The following ATP8B1 variants were observed in gnomAD, a reference collection of about 807,000 sequenced individuals.
The protein encoded by ATP8B1 is ATPase phospholipid transporting 8B1, also known as phospholipid-transporting ATPase IC.
In ATP8B1, 80 loss-of-function variants were observed where a neutral mutation model predicts 149.9. The observed-to-expected ratio is 0.53, with a 90% CI of 0.45 to 0.64. ATP8B1 has a LOEUF of 0.64. ATP8B1 is among the 30% of genes least tolerant of loss of function. The pLI, the probability that ATP8B1 is intolerant of heterozygous loss-of-function variation, is 0.00. For missense variants in ATP8B1, 1,247 were observed against 1,552.6 expected (o/e 0.80, Z 3.31); for synonymous variants, 536 against 562.8 (o/e 0.95, Z 0.67).
intron 8 of ATP8B1, 87 bp downstream of exon 8, chr18:57,697,531 C>T (rs979224916): frequency 7.2e-7 from 1 of 1,395,326 alleles, no homozygotes; most frequent in African/African-American, 1.4e-5. Flanking sequence ...AGATATCAAG[C>T]CGTCTGGTCC....
intron 1 of ATP8B1, among the ~76,000 whole-genome samples, chr18:57,756,653 T>TTCTCTCTCTCTCTCTCTC (rs112851704): frequency 4.0e-5 from 6 of 149,316 alleles, no homozygotes; most frequent in African/African-American, 9.9e-5. Flanking sequence ...ATGGTATTCC[T>TTCTCTCTCTCTCTCTCTC]TCTCTCTCTC....
Position 57,668,493 on chromosome 18 carries a change from T to C in ATP8B1, c.2145A>G (p.Pro715=), listed in dbSNP as rs745890909. 2 of 1,604,708 alleles carry C rather than the reference T, an allele frequency of 1.2e-6. No homozygotes were observed. Among genetic ancestry groups the C allele is most frequent in the Admixed American group, 3.4e-5 (2 of 58,688 alleles). ...CTTTTGCAAGTTTTGAAATGGTTTC[T>C]GGAACTCCATCCTGTAGCTTGTCTT... ...AIEDKLQDGV[P]ETISKLAKAD... Residue 715 remains proline (P), a synonymous_variant, in exon 19 of 28, where the codon CCA becomes CCG. Transcript: ENST00000648908.
chr18:57,731,377 A>ACC lies in ATP8B1; in HGVS notation c.181+249_181+250insGG, dbSNP rs2079763789. ...TATATATATATATATATATATATAC[A>ACC]CACACTAACAAAGACCTTAATGTAT... On this transcript the variant is annotated intron_variant, in intron 2 of 27. Transcript: ENST00000648908. 5.5e-5 allele frequency: 15 copies of ACC among 271,066 alleles called. 7 individuals are homozygous for ACC. Among genetic ancestry groups the ACC allele is most frequent in the South Asian group, 1.3e-4 (4 of 31,220 alleles). The allele number at this position is 271,066 out of a possible 1,614,324, so 16.8% of individuals were successfully genotyped here.
At position 57,803,266 on chromosome 18, in the gene ATP8B1, C is replaced by G. The variant is rs2080602228; in HGVS notation, c.-294G>C. Among the ~76,000 whole-genome samples the G allele has an allele frequency of 6.6e-6, 1 of 152,216 alleles. No homozygotes were observed. The highest frequency in any genetic ancestry group is 1.5e-5 in the Non-Finnish European group (1 of 68,026). On this transcript the variant is annotated 5_prime_UTR_variant, in exon 1 of 28. Coordinates refer to ENST00000648908, the MANE Select transcript of ATP8B1 (RefSeq NM_001374385.1). ...TCCTCTGCAGCCGCCCTTTTGCCTC[C>G]GCTCCGCCGGACCGGCCAAACTGGT...
chr18:57,750,677 T>A lies in ATP8B1; in HGVS notation c.-25-18845A>T, dbSNP rs1599191060. 1.3e-5 allele frequency among the ~76,000 whole-genome samples: 2 copies of A among 152,208 alleles called. 1 individual carries two copies. The highest frequency in any genetic ancestry group is 3.9e-4 in the East Asian group (2 of 5,186). ...CCATCCTCAGAGTCCAACCTACTCT[T>A]TTCCTCCTTCATCTTAACAGACGTG... On this transcript the variant is annotated intron_variant, in intron 1 of 27. Coordinates refer to ENST00000648908, the MANE Select transcript of ATP8B1 (RefSeq NM_001374385.1).
chr18:57,738,257 A>G (rs1487802334), intron 1 of ATP8B1, among the ~76,000 whole-genome samples: 1 of 152,244 alleles, frequency 6.6e-6, no homozygotes, highest in Non-Finnish European at 1.5e-5. Context: ...GCAGAGTACT[A>G]CACTAGGCAC....
At chr18:57,725,830 G>A (rs897743558) in intron 2 of ATP8B1, among the ~76,000 whole-genome samples, 45 of 152,224 alleles carry the variant, frequency 3.0e-4, no homozygotes, top group Non-Finnish European at 3.2e-4. Context: ...ATATTTATAT[G>A]TAGATGAATG....
chr18:57,779,897 CAAA>C (rs35023925), intron 1 of ATP8B1, among the ~76,000 whole-genome samples: 1 of 107,748 alleles, frequency 9.3e-6, no homozygotes, highest in Non-Finnish European at 1.9e-5. Context: ...AACTCCGTCT[CAAA>C]AAAAAAAAAA....
At chr18:57,668,063 G>C in intron 19 of ATP8B1, 1 of 1,289,214 alleles carries the variant, frequency 7.8e-7, no homozygotes, top group Non-Finnish European at 1.0e-6. Flanking sequence ...TTATTGTTCA[G>C]TACTTTGTAT....
intron 1 of ATP8B1, among the ~76,000 whole-genome samples, chr18:57,783,004 G>C (rs1252495193): frequency 3.3e-5 from 5 of 151,820 alleles, no homozygotes; most frequent in South Asian, 4.2e-4. Context: ...GTAGCGACAG[G>C]GTTTCACCAT....
Position 57,802,854 on chromosome 18 carries a change from G to A in ATP8B1, c.-26+144C>T, listed in dbSNP as rs1390985477. 6.6e-6 allele frequency: 1 copy of A among 152,294 alleles called. No individual in the cohort carries two copies. The highest frequency in any genetic ancestry group is 2.4e-5 in the African/African-American group (1 of 41,464). 9.4% of individuals were successfully genotyped at this position (152,294 alleles called of 1,614,324 possible). A position where few individuals can be genotyped will look rare whatever the true frequency, so the allele number is the denominator to read the frequency against. The stretch of plus-strand genomic sequence containing the variant: ...ACCCAAATCCCACCTGTGCGGGCTC[G>A]GGAGTCCGAGGGCGCTGACAGCTGC... On this transcript the variant is annotated intron_variant, in intron 1 of 27. Transcript: ENST00000648908. This position sits in a 1 kb window ranked among gnomAD's most constrained non-coding sequence, Gnocchi z 4.9.
chr18:57,663,531 C>T (rs922023148), intron 20 of ATP8B1, among the ~76,000 whole-genome samples: 1 of 152,072 alleles, frequency 6.6e-6, no homozygotes, highest in Non-Finnish European at 1.5e-5. Context: ...AGTGGCTGCA[C>T]CATTTTATAT....
At chr18:57,729,234 T>A (rs1348309504) in intron 2 of ATP8B1, among the ~76,000 whole-genome samples, 1 of 152,078 alleles carries the variant, frequency 6.6e-6, no homozygotes, top group Non-Finnish European at 1.5e-5. Flanking sequence ...GGACTACACG[T>A]CTGATGGCGT....
chr18:57,674,732 GTAGCTCTTTCAC>G, intron 16 of ATP8B1, 90 bp downstream of exon 16: 1 of 1,348,122 alleles, frequency 7.4e-7, no homozygotes, highest in East Asian at 2.3e-5. Context: ...CAGGAGCCAA[GTAGCTCTTTCAC>G]TGGCTGCTTT....
At chr18:57,762,159 G>A (rs2080164639) in intron 1 of ATP8B1, among the ~76,000 whole-genome samples, 1 of 148,968 alleles carries the variant, frequency 6.7e-6, no homozygotes, top group African/African-American at 2.5e-5. Flanking sequence ...TTTCTTTTGA[G>A]ACAGGGTCTC....
At chr18:57,792,228 C>A (rs1399717071) in intron 1 of ATP8B1, among the ~76,000 whole-genome samples, 1 of 151,992 alleles carries the variant, frequency 6.6e-6, no homozygotes, top group Non-Finnish European at 1.5e-5. Context: ...ATTACGTGCA[C>A]CAGTAGCTAG....
At chr18:57,785,057 T>C (rs1245061027) in intron 1 of ATP8B1, among the ~76,000 whole-genome samples, 1 of 152,258 alleles carries the variant, frequency 6.6e-6, no homozygotes, top group Non-Finnish European at 1.5e-5. Flanking sequence ...AATTTTCTCA[T>C]GTTCCGGCTT....
At chr18:57,701,896 C>G (rs1165434423) in intron 4 of ATP8B1, among the ~76,000 whole-genome samples, 2 of 152,044 alleles carry the variant, frequency 1.3e-5, no homozygotes, top group African/African-American at 4.8e-5. Flanking sequence ...TGGGTTTTCA[C>G]CATGTTGGCC....
intron 1 of ATP8B1, among the ~76,000 whole-genome samples, chr18:57,790,723 TTTTA>T (rs984771338): frequency 2.0e-5 from 3 of 152,170 alleles, no homozygotes; most frequent in African/African-American, 7.2e-5. Context: ...ACTACTTTTA[TTTTA>T]TTTATTTTTT....
Sources: allele counts gnomAD v4.1 joint callset (sites outside exome capture counted in the v4.1 genomes callset), GRCh38; gene constraint gnomAD v4.1.1; non-coding constraint Gnocchi (gnomAD v3.1); transcripts MANE v1.5; gene names NCBI Gene and HGNC (gene_info 2026-07-23, HGNC 2026-07-21).